The following ZNF407 variants were observed in gnomAD, a reference collection of about 807,000 sequenced individuals.
The protein encoded by ZNF407 is zinc finger protein 407.
In ZNF407, 17 loss-of-function variants were observed where a neutral mutation model predicts 131.2. The ratio of observed to expected loss-of-function variants is 0.13; its 90% CI spans 0.09 to 0.19. The LOEUF (loss-of-function observed/expected upper bound fraction) is 0.19. ZNF407 is among the 10% of genes least tolerant of loss of function. The pLI is 1.00. For missense variants in ZNF407, 2,681 were observed against 2,830.6 expected, an observed-to-expected ratio of 0.95 and a Z score of 1.20; for synonymous variants, 1,156 against 1,062.0, an observed-to-expected ratio of 1.09 and a Z score of -1.72.
chr18:74,676,662 C>A (rs1033274343), intron 3 of ZNF407, among the ~76,000 whole-genome samples: 34 of 151,910 alleles, frequency 2.2e-4, no homozygotes, highest in Admixed American at 9.2e-4. Flanking sequence ...TCTCGATCTC[C>A]TGACCTCGTG....
intron 1 of ZNF407, among the ~76,000 whole-genome samples, chr18:74,628,828 C>T (rs1983919158): frequency 6.6e-6 from 1 of 152,192 alleles, no homozygotes; most frequent in Non-Finnish European, 1.5e-5. Flanking sequence ...CATCCTCCCT[C>T]CTTGTCCTTC....
intron 8 of ZNF407, among the ~76,000 whole-genome samples, chr18:74,977,924 T>C (rs1972546445): frequency 6.6e-6 from 1 of 152,266 alleles, no homozygotes; most frequent in South Asian, 2.1e-4. Flanking sequence ...GTACTTTTCA[T>C]GTAAACTTGC....
At chr18:74,982,650 TG>T (rs1972606263) in intron 8 of ZNF407, among the ~76,000 whole-genome samples, 1 of 152,366 alleles carries the variant, frequency 6.6e-6, no homozygotes, top group East Asian at 1.9e-4. Context: ...CTCTCGTCAC[TG>T]TCTTAGGAGC....
At chr18:74,762,551 A>G (rs9951821) in intron 3 of ZNF407, among the ~76,000 whole-genome samples, 144,605 of 152,088 alleles carry the variant, frequency 0.95, 69,163 homozygotes, top group East Asian at 1. Flanking sequence ...TTACTGCCCC[A>G]AATTCCCATT....
At chr18:74,772,443 A>T (rs1040823958) in intron 3 of ZNF407, among the ~76,000 whole-genome samples, 1 of 152,180 alleles carries the variant, frequency 6.6e-6, no homozygotes, top group African/African-American at 2.4e-5. Flanking sequence ...ATAAACACAC[A>T]TAGGATTTGT....
chr18:75,026,571 C>T (rs1304678790), intron 8 of ZNF407, among the ~76,000 whole-genome samples: 1 of 152,172 alleles, frequency 6.6e-6, no homozygotes, highest in Non-Finnish European at 1.5e-5. Flanking sequence ...CTCTTTCAAA[C>T]TAGTACAGCT....
chr18:75,049,098 T>TGGGG (rs61131714), intron 8 of ZNF407, among the ~76,000 whole-genome samples: 6 of 39,626 alleles, frequency 1.5e-4, no homozygotes, highest in South Asian at 7.7e-4. Context: ...TTTTTTTTTT[T>TGGGG]GGGTGGGGGG....
In ZNF407 at chr18:74,633,240, C is replaced by T; in HGVS notation, c.2221C>T (p.Leu741Phe). ...DYHFLCKACN[L>F]YSLSKEGMEK... ...TCATTTTCTTTGTAAAGCTTGTAAT[C>T]TTTATTCATTGAGCAAAGAAGGAAT... Residue 741 changes from leucine (L) to phenylalanine (F), a missense_variant, in exon 2 of 9, where the codon CTT becomes TTT. This residue lies in a region of ZNF407 where 1,789 missense variants were observed against 1,748.7 expected (regional missense o/e 1.02). Coordinates refer to ENST00000299687, the MANE Select transcript of ZNF407 (RefSeq NM_017757.3). The T allele has an allele frequency of 6.2e-7, 1 of 1,613,744 alleles. No individual in the cohort carries two copies. Among genetic ancestry groups the T allele is most frequent in the African/African-American group, 1.3e-5 (1 of 74,992 alleles).
chr18:74,836,905 CTTGCCCTG>C (rs1413513279), intron 4 of ZNF407, among the ~76,000 whole-genome samples: 2 of 152,198 alleles, frequency 1.3e-5, no homozygotes, highest in African/African-American at 4.8e-5. Flanking sequence ...ACCGACCCCA[CTTGCCCTG>C]GGGAAGCTTT....
chr18:74,811,895 G>A (rs9965881), intron 4 of ZNF407, among the ~76,000 whole-genome samples: 98,255 of 147,926 alleles, frequency 0.66, 34,203 homozygotes, highest in East Asian at 0.95. Context: ...GAAGGGGGAG[G>A]GGGGAGGGAT....
At chr18:74,719,918 T>G (rs549809281) in intron 3 of ZNF407, among the ~76,000 whole-genome samples, 19 of 152,332 alleles carry the variant, frequency 1.2e-4, no homozygotes, top group African/African-American at 4.1e-4. Flanking sequence ...TTGGGCACCT[T>G]TATGTCTTGG....
At chr18:74,747,290 G>T (rs1968691340) in intron 3 of ZNF407, among the ~76,000 whole-genome samples, 1 of 152,022 alleles carries the variant, frequency 6.6e-6, no homozygotes, top group South Asian at 2.1e-4. Context: ...AAAATACCTT[G>T]CATCCAGTCA....
intron 4 of ZNF407, among the ~76,000 whole-genome samples, chr18:74,848,253 C>T (rs1352274437): frequency 6.6e-6 from 1 of 152,130 alleles, no homozygotes; most frequent in East Asian, 1.9e-4. Context: ...TGTTGCGCCA[C>T]ATTTCTGTTT....
At chr18:74,953,303 A>G (rs538857734) in intron 8 of ZNF407, among the ~76,000 whole-genome samples, 1 of 152,334 alleles carries the variant, frequency 6.6e-6, no homozygotes, top group East Asian at 1.9e-4. Context: ...TCAGCTTGGC[A>G]TGCCGCCTTC....
intron 8 of ZNF407, among the ~76,000 whole-genome samples, chr18:75,023,698 GT>G (rs1973138700): frequency 1.3e-5 from 2 of 152,026 alleles, no homozygotes; most frequent in African/African-American, 4.8e-5. Context: ...GTTGTGAATC[GT>G]CAGCTACTCT....
chr18:74,616,287 T>C (rs1393076082), intron 1 of ZNF407, among the ~76,000 whole-genome samples: 2 of 152,192 alleles, frequency 1.3e-5, no homozygotes, highest in African/African-American at 2.4e-5. Context: ...TGAAACTTCT[T>C]AGTACAGAGA....
At chr18:74,955,290 G>A (rs768949010) in intron 8 of ZNF407, among the ~76,000 whole-genome samples, 3 of 152,180 alleles carry the variant, frequency 2.0e-5, no homozygotes, top group Admixed American at 6.5e-5. Context: ...TATTTGGAGA[G>A]AGTAGTTTAA....
At chr18:74,698,630 T>C (rs1163350460) in intron 3 of ZNF407, among the ~76,000 whole-genome samples, 2 of 152,154 alleles carry the variant, frequency 1.3e-5, no homozygotes, top group Non-Finnish European at 1.5e-5. Context: ...AGCTCTTTGC[T>C]CCACACTCAG....
intron 8 of ZNF407, among the ~76,000 whole-genome samples, chr18:74,935,493 A>G (rs1194010625): frequency 1.3e-5 from 2 of 152,154 alleles, no homozygotes; most frequent in East Asian, 3.8e-4. Flanking sequence ...CGGGGACCAG[A>G]TAGAATCCCC....
Sources: gnomAD v4.1 joint callset for allele counts (sites outside exome capture counted in the v4.1 genomes callset) on GRCh38, gnomAD v4.1.1 for gene constraint, gnomAD v4.1.1 regional missense constraint, MANE v1.5 for transcripts, NCBI Gene and HGNC (gene_info 2026-07-23, HGNC 2026-07-21) for gene names.